The following CCDC136 variants were observed in gnomAD, a reference collection of about 807,000 sequenced individuals.
The protein encoded by CCDC136 is coiled-coil domain-containing protein 136.
Under a neutral mutation model 141.2 loss-of-function variants are expected in CCDC136, and 100 were observed. That is an observed-to-expected ratio of 0.71 (90% CI 0.60 to 0.84). CCDC136 has a LOEUF of 0.84. CCDC136 is among the 40% of genes least tolerant of loss of function. The pLI is 0.00. For missense variants in CCDC136, 1,206 were observed against 1,379.4 expected (o/e 0.87, Z 1.99); for synonymous variants, 474 against 531.9 (o/e 0.89, Z 1.50).
chr7:128,796,740 T>TA (rs61079649), intron 3 of CCDC136, among the ~76,000 whole-genome samples: 13,010 of 124,334 alleles, frequency 0.1, 2,378 homozygotes, highest in African/African-American at 0.32. Context: ...TATATATATA[T>TA]TCTTTTTTTT....
chr7:128,791,453 G>C (rs1802147216), upstream of CCDC136: 2 of 1,302,892 alleles, frequency 1.5e-6, no homozygotes, highest in Admixed American at 3.8e-5. This position sits in a 1 kb window ranked among gnomAD's most constrained non-coding sequence, Gnocchi z 7.1. Context: ...CGCGGCTGCG[G>C]CTTCTGCTCA....
At chr7:128,809,334 T>G (rs1805349167) in intron 10 of CCDC136, 116 bp from the exon 11 acceptor site, 3 of 726,050 alleles carry the variant, frequency 4.1e-6, no homozygotes. Context: ...CAGTCCAAGG[T>G]GACTGCACAG....
At chr7:128,819,598 A>G (rs1364210424) in intron 17 of CCDC136, among the ~76,000 whole-genome samples, 7 of 152,218 alleles carry the variant, frequency 4.6e-5, no homozygotes, top group African/African-American at 1.7e-4. Flanking sequence ...GCACTGTTCT[A>G]ATCACTTACG....
chr7:128,804,403 A>C (rs947187369), intron 4 of CCDC136, among the ~76,000 whole-genome samples: 1 of 152,260 alleles, frequency 6.6e-6, no homozygotes, highest in Non-Finnish European at 1.5e-5. Flanking sequence ...GGCTTTGAAG[A>C]TGAGCACACA....
intron 1 of CCDC136, among the ~76,000 whole-genome samples, chr7:128,792,908 C>A (rs995865938): frequency 6.6e-6 from 1 of 152,200 alleles, no homozygotes; most frequent in Non-Finnish European, 1.5e-5. Context: ...GGAGGGGGCG[C>A]GTGAGGCCAT....
chr7:128,800,800 T>C (rs1246794739), intron 3 of CCDC136, among the ~76,000 whole-genome samples: 2 of 152,224 alleles, frequency 1.3e-5, no homozygotes, highest in Non-Finnish European at 2.9e-5. Flanking sequence ...GAAAATAGTC[T>C]GTATACATTT....
At chr7:128,807,229 A>G (rs1804997882) in intron 9 of CCDC136, 131 bp from the exon 10 acceptor site, 1 of 563,288 alleles carries the variant, frequency 1.8e-6, no homozygotes, top group Non-Finnish European at 2.8e-6. Flanking sequence ...TTGGGTATCT[A>G]TCCCTGGCTG....
upstream of CCDC136, chr7:128,791,610 C>T: frequency 9.1e-7 from 1 of 1,095,030 alleles, no homozygotes; most frequent in South Asian, 4.3e-5. This position sits in a 1 kb window ranked among gnomAD's most constrained non-coding sequence, Gnocchi z 7.1. Context: ...TCCATCCCTC[C>T]TCCTTCCAGA....
At chr7:128,807,869 A>G (rs751322479) in intron 10 of CCDC136, 3 of 167,272 alleles carry the variant, frequency 1.8e-5, no homozygotes, top group South Asian at 2.0e-4. Flanking sequence ...GAACATATAC[A>G]TGGGCCCATT....
Position 128,799,999 on chromosome 7 carries a change from AGATAT to A in CCDC136, c.347-1180_347-1176del, listed in dbSNP as rs144010640. On this transcript the variant is annotated intron_variant, in intron 3 of 17. Coordinates refer to ENST00000297788, the MANE Select transcript of CCDC136 (RefSeq NM_022742.5). ...TTCTGAAAATCCAAACAGCACAGAT[AGATAT>A]GATATGTAAAGTAAAAACCTTACCA... Among the ~76,000 whole-genome samples, 884 of 152,346 alleles carry A rather than the reference AGATAT, an allele frequency of 5.8e-3. 9 individuals are homozygous for A. Among genetic ancestry groups the A allele is most frequent in the African/African-American group, 0.02 (838 of 41,584 alleles).
intron 1 of CCDC136, among the ~76,000 whole-genome samples, chr7:128,793,168 A>G (rs1802450473): frequency 6.6e-6 from 1 of 152,236 alleles, no homozygotes. Flanking sequence ...AAAGCAAACA[A>G]TCACCATCCA....
At position 128,805,695 on chromosome 7, in the gene CCDC136, A is replaced by G; in HGVS notation, c.949-66A>G. The G allele has an allele frequency of 2.5e-6, 4 of 1,597,510 alleles. No individual in the cohort carries two copies. The highest frequency in any genetic ancestry group is 2.2e-5 in the East Asian group (1 of 44,716). ...GTCAAAGAGCGCCATGCTTTCCCCA[A>G]GCTTGTTCTTGGAGCATATGTGGTA... is the stretch of plus-strand genomic sequence containing the variant. On this transcript the variant is annotated intron_variant, in intron 6 of 17. Coordinates refer to ENST00000297788, the MANE Select transcript of CCDC136 (RefSeq NM_022742.5). The surrounding 1 kb of genome is among the most constrained non-coding windows in gnomAD (Gnocchi z 4.6).
intron 14 of CCDC136, among the ~76,000 whole-genome samples, chr7:128,813,803 A>G (rs750847655): frequency 6.6e-5 from 10 of 152,044 alleles, no homozygotes; most frequent in Non-Finnish European, 1.0e-4. Context: ...CAACTTGGAG[A>G]AACCCCATCT....
chr7:128,818,444 C>T (rs1436646284), intron 17 of CCDC136, among the ~76,000 whole-genome samples: 3 of 152,190 alleles, frequency 2.0e-5, no homozygotes, highest in East Asian at 1.9e-4. Flanking sequence ...GAAATGGAAC[C>T]GAACCCCTAC....
intron 14 of CCDC136, among the ~76,000 whole-genome samples, chr7:128,814,149 G>A (rs140951290): frequency 1.3e-5 from 2 of 150,878 alleles, no homozygotes; most frequent in East Asian, 2.0e-4. Flanking sequence ...GCAGTGGCAC[G>A]ATCTCAGCTT....
intron 3 of CCDC136, among the ~76,000 whole-genome samples, chr7:128,796,369 G>C (rs543804665): frequency 7.4e-4 from 113 of 152,232 alleles, no homozygotes; most frequent in South Asian, 2.1e-3. Context: ...AGCTTCATTT[G>C]TTTGAGCGAC....
intron 3 of CCDC136, among the ~76,000 whole-genome samples, chr7:128,797,911 A>G (rs1175277826): frequency 6.6e-6 from 1 of 150,630 alleles, no homozygotes; most frequent in Non-Finnish European, 1.5e-5. Flanking sequence ...ACCTGGGAAA[A>G]TAGGGTTCTA....
chr7:128,791,772 C>G (rs1368122098), upstream of CCDC136: 1 of 402,252 alleles, frequency 2.5e-6, no homozygotes, highest in Non-Finnish European at 4.3e-6. The surrounding 1 kb of genome is among the most constrained non-coding windows in gnomAD (Gnocchi z 7.1). Flanking sequence ...TGGTCCCTCC[C>G]CAGCGCGTCT....
intron 4 of CCDC136, among the ~76,000 whole-genome samples, chr7:128,801,715 G>T (rs1463775180): frequency 2.0e-5 from 3 of 152,138 alleles, no homozygotes; most frequent in Non-Finnish European, 4.4e-5. Context: ...AGGATCACTC[G>T]AGCCCAGGCA....
Sources: gnomAD v4.1 joint callset for allele counts (sites outside exome capture counted in the v4.1 genomes callset) on GRCh38, gnomAD v4.1.1 for gene constraint, Gnocchi (gnomAD v3.1) non-coding constraint, MANE v1.5 for transcripts, NCBI Gene and HGNC (gene_info 2026-07-23, HGNC 2026-07-21) for gene names.